The following TBCD variants were observed in gnomAD, a reference collection of about 807,000 sequenced individuals.
TBCD encodes tubulin folding cofactor D.
TBCD carries 105 observed loss-of-function variants against 169.3 expected under a neutral mutation model. The observed-to-expected ratio is 0.62, with a 90% CI of 0.53 to 0.73. TBCD has a LOEUF of 0.73. Among genes scored for constraint, TBCD ranks in the 30% least tolerant of loss-of-function variants. The probability of loss-of-function intolerance (pLI) is 0.00; values close to 1 mark genes in which losing one functional copy is unlikely to be tolerated. For missense variants in TBCD, 1,444 were observed against 1,600.1 expected (o/e 0.90, Z 1.66); for synonymous variants, 700 against 643.9 (o/e 1.09, Z -1.32).
In TBCD at chr17:82,768,504, C is replaced by T; in HGVS notation, c.520C>T (p.Leu174Phe). ...TGATTTTTCTCGCCTTGACGGGAACCTCCTCACCCAGCCTGGGCAAGCACG... is the reference window on the plus strand; with the variant it reads ...TGATTTTTCTCGCCTTGACGGGAACTTCCTCACCCAGCCTGGGCAAGCACG... ...PFDFSRLDGN[L>F]LTQPGQARMS... is the part of the protein sequence containing the mutation. The change falls in exon 5 of 39, where the codon CTC (leucine) becomes TTC (phenylalanine). Residue 174 changes from leucine (L) to phenylalanine (F), a missense_variant. Leu to Phe is a conservative substitution (Grantham distance 22). Coordinates refer to ENST00000355528, the MANE Select transcript of TBCD (RefSeq NM_005993.5). The T allele has an allele frequency of 6.2e-7, 1 of 1,613,712 alleles. No individual in the cohort carries two copies. Among genetic ancestry groups the T allele is most frequent in the South Asian group, 1.1e-5 (1 of 91,014 alleles).
chr17:82,763,766 G>GT (rs1212385773), intron 2 of TBCD, among the ~76,000 whole-genome samples, 199 bp from the exon 3 acceptor site: 3 of 152,004 alleles, frequency 2.0e-5, no homozygotes, highest in Non-Finnish European at 4.4e-5. Context: ...AAAGAGACGG[G>GT]TTTTGCTCTG....
At chr17:82,925,852 G>A (rs898359273) in intron 27 of TBCD, among the ~76,000 whole-genome samples, 1 of 152,226 alleles carries the variant, frequency 6.6e-6, no homozygotes, top group Non-Finnish European at 1.5e-5. Flanking sequence ...AAAAGGGGGG[G>A]ACCTCAGGTA....
At chr17:82,910,137 G>A (rs907313750) in intron 22 of TBCD, among the ~76,000 whole-genome samples, 3 of 152,346 alleles carry the variant, frequency 2.0e-5, no homozygotes, top group South Asian at 4.1e-4. Flanking sequence ...GTCTTGGTAC[G>A]TTTCACGTTT....
chr17:82,884,134 CT>C lies in TBCD; in HGVS notation c.1476-6del, dbSNP rs1567954607. On this transcript the variant is annotated splice_polypyrimidine_tract_variant and intron_variant, in intron 14 of 38. Coordinates refer to ENST00000355528, the MANE Select transcript of TBCD (RefSeq NM_005993.5). The surrounding 1 kb of genome is among the most constrained non-coding windows in gnomAD (Gnocchi z 4.2). The stretch of plus-strand genomic sequence containing the variant: ...AATTTCTTTTTAATTAATCCTTTCT[CT>C]TTTTCACAGTGCACTGGTGATTGCT... 45 of 1,603,364 alleles carry C rather than the reference CT, an allele frequency of 2.8e-5. No homozygotes were observed. Among genetic ancestry groups the C allele is most frequent in the Non-Finnish European group, 3.7e-5 (44 of 1,174,262 alleles).
chr17:82,853,595 C>T (rs8064531), intron 13 of TBCD, among the ~76,000 whole-genome samples: 36,444 of 151,220 alleles, frequency 0.24, 4,436 homozygotes, highest in Middle Eastern at 0.31. Context: ...TTTGTAGAGA[C>T]GGTCTCACCA....
At chr17:82,785,402 C>T (rs111306653) in intron 7 of TBCD, among the ~76,000 whole-genome samples, 14 of 22,950 alleles carry the variant, frequency 6.1e-4, no homozygotes, top group South Asian at 4.5e-3. Flanking sequence ...GACCACTGGA[C>T]CCGACCCATC....
At chr17:82,805,356 A>G (rs1398638608) in intron 9 of TBCD, among the ~76,000 whole-genome samples, 1 of 152,188 alleles carries the variant, frequency 6.6e-6, no homozygotes, top group Non-Finnish European at 1.5e-5. Context: ...GGGGATGACA[A>G]TGCAGGTTCC....
chr17:82,928,930 AGT>A (rs909528115), intron 30 of TBCD, among the ~76,000 whole-genome samples, 181 bp from the exon 31 acceptor site: 13 of 152,052 alleles, frequency 8.5e-5, no homozygotes, highest in Non-Finnish European at 1.2e-4. Context: ...AAGGTAACGG[AGT>A]GTGGTTCTTC....
intron 8 of TBCD, 65 bp downstream of exon 8, chr17:82,797,867 C>T: frequency 8.3e-7 from 1 of 1,207,694 alleles, no homozygotes; most frequent in East Asian, 2.6e-5. Flanking sequence ...AATCAAGTGT[C>T]TTTCCTTAAC....
At chr17:82,828,154 GACACAC>G (rs35440006) in intron 13 of TBCD, among the ~76,000 whole-genome samples, 1 of 71,006 alleles carries the variant, frequency 1.4e-5, no homozygotes, top group Non-Finnish European at 3.1e-5. Flanking sequence ...TACACCCACA[GACACAC>G]ATGCACACCC....
In TBCD at chr17:82,925,095, G is replaced by A. The variant is rs555693887; in HGVS notation, c.2379+38G>A. ...ACGCGCAGTGGACGGGGCCTAGGGC[G>A]AGGGTGTGGGAGCCTCGTGTGTTGG... On this transcript the variant is annotated intron_variant, in intron 27 of 38. Coordinates refer to ENST00000355528, the MANE Select transcript of TBCD (RefSeq NM_005993.5). 35 of 1,471,332 alleles carry A rather than the reference G, an allele frequency of 2.4e-5. No homozygotes were observed. In the South Asian group the frequency reaches 3.5e-4, roughly 15 times the overall value. 91.1% of individuals were successfully genotyped at this position (1,471,332 alleles called of 1,614,324 possible). A position where few individuals can be genotyped will look rare whatever the true frequency, so the allele number is the denominator to read the frequency against.
intron 16 of TBCD, among the ~76,000 whole-genome samples, chr17:82,891,709 G>T (rs553116564): frequency 1.3e-5 from 2 of 152,152 alleles, no homozygotes; most frequent in Non-Finnish European, 2.9e-5. Flanking sequence ...AGTGGAGGCC[G>T]CTGGGTAACA....
rs936206724 is a variant in TBCD, at chr17:82,923,520, G to T, written c.2179-132G>T. ...CTGGGTCCCTGGTCAGGCAGGGGCT[G>T]CTCTGACCTCAGGGTGACCACGGTG... On this transcript the variant is annotated intron_variant, in intron 25 of 38. Coordinates refer to ENST00000355528, the MANE Select transcript of TBCD (RefSeq NM_005993.5). The surrounding 1 kb of genome is among the most constrained non-coding windows in gnomAD (Gnocchi z 4.6). The T allele has an allele frequency of 8.2e-6, 6 of 732,726 alleles. No individual in the cohort carries two copies. The highest frequency in any genetic ancestry group is 1.4e-5 in the Non-Finnish European group (6 of 437,244). 45.4% of individuals were successfully genotyped at this position (732,726 alleles called of 1,614,324 possible).
In TBCD at chr17:82,890,069, C is replaced by G. The variant is rs570844046; in HGVS notation, c.1563+372C>G. ...TGGCTCTGTTGACGTCAGCTTGTGC[C>G]TCATCCAGACCATAGACGGGCCCAG... On this transcript the variant is annotated intron_variant, in intron 16 of 38. Transcript: ENST00000355528. The surrounding 1 kb of genome is among the most constrained non-coding windows in gnomAD (Gnocchi z 5.3). Among the ~76,000 whole-genome samples, 21 of 152,340 alleles carry G rather than the reference C, an allele frequency of 1.4e-4. No individual in the cohort carries two copies. The South Asian group carries it at 3.9e-3, about 29-fold the overall frequency.
At chr17:82,905,078 C>G (rs1290563241) in intron 19 of TBCD, among the ~76,000 whole-genome samples, 1 of 152,190 alleles carries the variant, frequency 6.6e-6, no homozygotes, top group Admixed American at 6.5e-5. Context: ...GGCAGAGCCG[C>G]CTCCCTCTGC....
chr17:82,847,070 G>C (rs1296700721), intron 13 of TBCD, among the ~76,000 whole-genome samples: 1 of 152,222 alleles, frequency 6.6e-6, no homozygotes, highest in Non-Finnish European at 1.5e-5. Context: ...AAAAGAAACA[G>C]GCCGGGCGTG....
At chr17:82,764,307 A>G (rs2047915519) in intron 3 of TBCD, among the ~76,000 whole-genome samples, 1 of 152,186 alleles carries the variant, frequency 6.6e-6, no homozygotes, top group African/African-American at 2.4e-5. Context: ...GTAGCTAGGA[A>G]GGGAATGGGG....
chr17:82,929,220 C>T lies in TBCD; in HGVS notation c.2801C>T (p.Pro934Leu), dbSNP rs1487242278. The T allele has an allele frequency of 6.2e-7, 1 of 1,613,944 alleles. No homozygotes were observed. Among genetic ancestry groups the T allele is most frequent in the Non-Finnish European group, 8.5e-7 (1 of 1,179,888 alleles). Residue 934 changes from proline to leucine, a missense_variant, in exon 31 of 39, where the codon CCT becomes CTT. Transcript: ENST00000355528. Reference protein sequence around the residue: ...VFLTLLHFDSPPIPHVPHRGE... With the variant: ...VFLTLLHFDSLPIPHVPHRGE... The stretch of plus-strand genomic sequence containing the variant: ...CTGACGCTCCTGCACTTTGACAGCC[C>T]TCCCATCCCCCACGTGCCCCACCGA...
chr17:82,792,208 C>T (rs535836118), intron 7 of TBCD, among the ~76,000 whole-genome samples: 5 of 151,442 alleles, frequency 3.3e-5, no homozygotes, highest in Admixed American at 1.3e-4. Flanking sequence ...CTCGGGAAGC[C>T]GAGGCAGGAG....
Sources: gnomAD v4.1 joint callset for allele counts (sites outside exome capture counted in the v4.1 genomes callset) on GRCh38, gnomAD v4.1.1 for gene constraint, Gnocchi (gnomAD v3.1) non-coding constraint, MANE v1.5 for transcripts, NCBI Gene and HGNC (gene_info 2026-07-23, HGNC 2026-07-21) for gene names.